Variants in KLF12 observed in about 807,000 individuals in gnomAD.
The protein encoded by KLF12 is KLF transcription factor 12, also known as Krueppel-like factor 12.
In KLF12, 9 loss-of-function variants were observed where a neutral mutation model predicts 37.8. The ratio of observed to expected loss-of-function variants is 0.24; its 90% confidence interval spans 0.14 to 0.42. KLF12 has a LOEUF of 0.42. Ranked by LOEUF, KLF12 falls within the 10% of genes least tolerant of loss-of-function variation. The pLI is 1.00. For missense variants in KLF12, 411 were observed against 516.0 expected (o/e 0.80, Z 1.97); for synonymous variants, 208 against 202.1 (o/e 1.03, Z -0.25).
At chr13:74,218,352 T>A in the KLF12 span, among the ~76,000 whole-genome samples, 1 of 152,292 alleles carries the variant, frequency 6.6e-6, no homozygotes, top group Admixed American at 6.5e-5. Context: ...GTTTCTTGAT[T>A]AGTGCAGTTT....
At chr13:74,132,349 G>GT (rs1453947089) in intron 1 of KLF12, among the ~76,000 whole-genome samples, 1 of 152,172 alleles carries the variant, frequency 6.6e-6, no homozygotes, top group Non-Finnish European at 1.5e-5. Flanking sequence ...AGAATGACGT[G>GT]TATTTGATTG....
intron 6 of KLF12, among the ~76,000 whole-genome samples, chr13:73,726,823 T>C (rs986706982): frequency 6.6e-6 from 1 of 152,210 alleles, no homozygotes; most frequent in Non-Finnish European, 1.5e-5. Context: ...AATTATTAGG[T>C]CATACGATAA....
intron 3 of KLF12, among the ~76,000 whole-genome samples, chr13:73,903,851 T>G (rs1888147278): frequency 6.6e-6 from 1 of 152,186 alleles, no homozygotes; most frequent in African/African-American, 2.4e-5. Flanking sequence ...CTACTGTAAC[T>G]GTGCATGTGA....
intron 4 of KLF12, among the ~76,000 whole-genome samples, chr13:73,822,469 C>A (rs926659789): frequency 3.3e-5 from 5 of 152,210 alleles, no homozygotes; most frequent in African/African-American, 1.2e-4. Flanking sequence ...GTGGCTCATG[C>A]CTGTAATTCC....
At chr13:73,953,970 C>CTTTTTTTTTTTT (rs67945624) in intron 2 of KLF12, among the ~76,000 whole-genome samples, 2 of 88,534 alleles carry the variant, frequency 2.3e-5, no homozygotes, top group South Asian at 4.1e-4. Flanking sequence ...TTTTTTCTTT[C>CTTTTTTTTTTTT]TTTTTTTTTT....
intron 3 of KLF12, among the ~76,000 whole-genome samples, chr13:73,905,603 A>C (rs1222238124): frequency 6.6e-6 from 1 of 151,966 alleles, no homozygotes; most frequent in Non-Finnish European, 1.5e-5. Context: ...TAGTAACTTC[A>C]GTAATCTGGA....
chr13:73,846,070 A>G lies in KLF12; in HGVS notation c.427T>C (p.Leu143=). The change falls in exon 4 of 8, where the codon TTA becomes CTA. Residue 143 remains leucine, a synonymous_variant. Coordinates refer to ENST00000377669, the MANE Select transcript of KLF12 (RefSeq NM_007249.5). ...GAGGCCACAAGGGGCCCTGGAGTTAATACTGTTGACGAAGATGACGCTGAA... is the reference window on the plus strand; with the variant it reads ...GAGGCCACAAGGGGCCCTGGAGTTAGTACTGTTGACGAAGATGACGCTGAA... 1 of 1,614,120 alleles carries G rather than the reference A, an allele frequency of 6.2e-7. No individual in the cohort carries two copies. The highest frequency in any genetic ancestry group is 8.5e-7 in the Non-Finnish European group (1 of 1,180,008).
chr13:74,210,048 T>C, the KLF12 span, among the ~76,000 whole-genome samples: 1 of 152,200 alleles, frequency 6.6e-6, no homozygotes, highest in African/African-American at 2.4e-5. Flanking sequence ...TTATTTTTTA[T>C]ATCATTACTT....
chr13:74,233,567 T>C, the KLF12 span, among the ~76,000 whole-genome samples: 1 of 152,224 alleles, frequency 6.6e-6, no homozygotes, highest in East Asian at 1.9e-4. Flanking sequence ...CATTGTAGTT[T>C]GGAGAAGCAT....
chr13:74,093,675 A>G (rs1875806073), intron 1 of KLF12, among the ~76,000 whole-genome samples: 6 of 151,794 alleles, frequency 4.0e-5, no homozygotes, highest in Admixed American at 3.9e-4. Context: ...ATATAATCAC[A>G]TTTAAAAAGA....
rs1487904623 is a variant in KLF12, at chr13:74,101,895, C to T, written c.-32+31844G>A. Among the ~76,000 whole-genome samples, 6 of 152,124 alleles carry T rather than the reference C, an allele frequency of 3.9e-5. No homozygotes were observed. The South Asian group carries it at 1.2e-3, about 32-fold the overall frequency. ...CATTTGGCAACGATCACTGTGGTGG[C>T]TGGTTTAGGCAGGGTAACTCAATAA... On this transcript the variant is annotated intron_variant, in intron 1 of 7. Transcript: ENST00000377669.
At chr13:73,797,177 C>A (rs944538343) in intron 5 of KLF12, among the ~76,000 whole-genome samples, 2 of 152,108 alleles carry the variant, frequency 1.3e-5, no homozygotes, top group Admixed American at 1.3e-4. Context: ...AATAAAATAA[C>A]CTCAGGGATC....
At position 73,692,445 on chromosome 13, in the gene KLF12, C is replaced by T. The variant is rs1303527544; in HGVS notation, c.*3045G>A. 1 of 152,620 alleles carries T rather than the reference C, an allele frequency of 6.6e-6. No homozygotes were observed. The highest frequency in any genetic ancestry group is 1.5e-5 in the Non-Finnish European group (1 of 68,038). The allele number at this position is 152,620 out of a possible 1,614,324, so 9.5% of individuals were successfully genotyped here. The stretch of plus-strand genomic sequence containing the variant: ...ATGTGTATAAGTTCCCAACCATGCA[C>T]ATATCCCCAGCTGCAAACTGAACAG... On this transcript the variant is annotated 3_prime_UTR_variant, in exon 8 of 8. Transcript: ENST00000377669.
upstream of KLF12, among the ~76,000 whole-genome samples, chr13:74,134,559 C>CCCACCCCTGCCCCCGCT (rs1566229564): frequency 2.7e-5 from 4 of 150,154 alleles, no homozygotes; most frequent in East Asian, 4.1e-4. Context: ...CTGCCCCCGC[C>CCCACCCCTGCCCCCGCT]CTCCGGCCCC....
chr13:73,959,684 A>C (rs1427593914), intron 2 of KLF12, among the ~76,000 whole-genome samples: 1 of 152,072 alleles, frequency 6.6e-6, no homozygotes, highest in African/African-American at 2.4e-5. Context: ...ATATATTTAC[A>C]TATGAAGTGA....
chr13:73,873,116 A>G (rs1410487503), intron 3 of KLF12, among the ~76,000 whole-genome samples: 3 of 152,002 alleles, frequency 2.0e-5, no homozygotes, highest in African/African-American at 7.2e-5. Flanking sequence ...TTAAAGCCTA[A>G]AGAAAGAATC....
chr13:74,052,752 A>C (rs2138605177), intron 1 of KLF12, among the ~76,000 whole-genome samples: 1 of 152,318 alleles, frequency 6.6e-6, no homozygotes, highest in Admixed American at 6.5e-5. Flanking sequence ...GGACATCCTT[A>C]CTGGTGTCTG....
In KLF12 at chr13:73,785,923, CCT is replaced by C. The variant is rs372072077; in HGVS notation, c.807-20925_807-20924del. On this transcript the variant is annotated intron_variant, in intron 5 of 7. Transcript: ENST00000377669. ...GGCAGCTCAGCATTCCTTCCAGCCCCCTGTCTTTTGACATCTTAAAGAAAAGA... is the reference window on the plus strand; with the variant it reads ...GGCAGCTCAGCATTCCTTCCAGCCCCGTCTTTTGACATCTTAAAGAAAAGA... Among the ~76,000 whole-genome samples, 78 of 152,274 alleles carry C rather than the reference CCT, an allele frequency of 5.1e-4. 1 individual carries two copies. Among genetic ancestry groups the C allele is most frequent in the African/African-American group, 1.8e-3 (73 of 41,568 alleles).
At chr13:74,251,605 A>G in the KLF12 span, among the ~76,000 whole-genome samples, 65 of 152,168 alleles carry the variant, frequency 4.3e-4, no homozygotes, top group African/African-American at 1.4e-3. Flanking sequence ...CAGTATTAAC[A>G]TTCTCCCATC....
Sources: gnomAD v4.1 joint callset for allele counts (sites outside exome capture counted in the v4.1 genomes callset) on GRCh38, gnomAD v4.1.1 for gene constraint, MANE v1.5 for transcripts, NCBI Gene and HGNC (gene_info 2026-07-23, HGNC 2026-07-21) for gene names.